The following CNIH3 variants were observed in gnomAD, a reference collection of about 807,000 sequenced individuals.
The protein encoded by CNIH3 is cornichon family AMPA receptor auxiliary protein 3.
A neutral mutation model predicts 24.1 loss-of-function variants in CNIH3; 14 were observed. That is an observed-to-expected ratio of 0.58 (90% CI 0.38 to 0.91). The LOEUF is 0.91. Ranked by LOEUF, CNIH3 falls within the 40% of genes least tolerant of loss-of-function variation. CNIH3 has a pLI of 0.00. For missense variants in CNIH3, 178 were observed against 196.8 expected, an observed-to-expected ratio of 0.90 and a Z score of 0.57; for synonymous variants, 68 against 73.8, an observed-to-expected ratio of 0.92 and a Z score of 0.40.
chr1:224,533,513 T>C (rs568592602), intron 2 of CNIH3, among the ~76,000 whole-genome samples: 78 of 152,064 alleles, frequency 5.1e-4, no homozygotes, highest in African/African-American at 1.9e-3. Flanking sequence ...ACAACAGAAA[T>C]GTATTATCTC....
intron 5 of CNIH3, among the ~76,000 whole-genome samples, chr1:224,586,931 C>G (rs772738095): frequency 1.3e-4 from 20 of 152,178 alleles, no homozygotes; most frequent in Non-Finnish European, 2.5e-4. Flanking sequence ...CTTCTAAAGA[C>G]TGGCAGGGGA....
intron 2 of CNIH3, among the ~76,000 whole-genome samples, chr1:224,522,464 G>T (rs1156289674): frequency 6.6e-6 from 1 of 152,224 alleles, no homozygotes; most frequent in Non-Finnish European, 1.5e-5. Flanking sequence ...TGTCACTGCA[G>T]AGTGAAAGCC....
intron 5 of CNIH3, 127 bp from the exon 6 acceptor site, chr1:224,739,202 A>G: frequency 1.4e-6 from 2 of 1,476,244 alleles, no homozygotes; most frequent in Non-Finnish European, 9.0e-7. Flanking sequence ...AGTGACAGGA[A>G]TGAGGGAGAA....
At chr1:224,670,774 T>C (rs1685826552) in intron 1 of CNIH3, among the ~76,000 whole-genome samples, 1 of 152,212 alleles carries the variant, frequency 6.6e-6, no homozygotes, top group Non-Finnish European at 1.5e-5. Flanking sequence ...CAAGCCCCAC[T>C]GGCCAGGGCC....
chr1:224,587,835 A>G (rs760283153), intron 5 of CNIH3, among the ~76,000 whole-genome samples: 1 of 151,304 alleles, frequency 6.6e-6, no homozygotes, highest in Non-Finnish European at 1.5e-5. Flanking sequence ...CCAGCTACTC[A>G]GGAGGCCAAG....
At chr1:224,540,154 G>A (rs1679457273), downstream of CNIH3, among the ~76,000 whole-genome samples, 1 of 152,176 alleles carries the variant, frequency 6.6e-6, no homozygotes, top group Non-Finnish European at 1.5e-5. Context: ...TCTAGTTCCT[G>A]GGGAAGTATC....
chr1:224,668,783 C>T (rs1277801803), intron 1 of CNIH3, among the ~76,000 whole-genome samples: 5 of 152,030 alleles, frequency 3.3e-5, no homozygotes, highest in East Asian at 1.9e-4. Context: ...TGCCAGAGGA[C>T]GCACAAGTTT....
intron 4 of CNIH3, among the ~76,000 whole-genome samples, chr1:224,582,259 G>A (rs190262247): frequency 1.6e-3 from 241 of 152,238 alleles, no homozygotes; most frequent in Non-Finnish European, 2.2e-3. Context: ...TAGTCCATAG[G>A]TAGCCACAGA....
chr1:224,454,367 A>G (rs759705421), intron 1 of CNIH3: 3 of 923,914 alleles, frequency 3.2e-6, no homozygotes, highest in Admixed American at 1.2e-4. Flanking sequence ...TAATTCAACT[A>G]TATTGTGTTG....
chr1:224,586,539 C>A (rs1302931496), intron 5 of CNIH3, among the ~76,000 whole-genome samples: 5 of 152,138 alleles, frequency 3.3e-5, no homozygotes, highest in African/African-American at 1.2e-4. Flanking sequence ...CAAACCATAT[C>A]AGGCCAGTAC....
chr1:224,485,426 A>G (rs1185664400), intron 1 of CNIH3, among the ~76,000 whole-genome samples: 1 of 151,992 alleles, frequency 6.6e-6, no homozygotes, highest in Non-Finnish European at 1.5e-5. Flanking sequence ...TTCCAGGTAG[A>G]CTGCTATGTT....
At chr1:224,449,818 G>A (rs1675316718) in intron 1 of CNIH3, among the ~76,000 whole-genome samples, 1 of 152,046 alleles carries the variant, frequency 6.6e-6, no homozygotes, top group African/African-American at 2.4e-5. Context: ...GTCTTTGGAG[G>A]CCCAGTCTCC....
chr1:224,467,020 T>C (rs1341918491), intron 1 of CNIH3, among the ~76,000 whole-genome samples: 1 of 152,170 alleles, frequency 6.6e-6, no homozygotes, highest in Admixed American at 6.5e-5. Flanking sequence ...TCTCCCAGTC[T>C]GTAATTTATC....
chr1:224,650,880 C>T (rs1279471835), intron 1 of CNIH3, among the ~76,000 whole-genome samples: 1 of 152,100 alleles, frequency 6.6e-6, no homozygotes, highest in East Asian at 1.9e-4. Flanking sequence ...AGGTAAAGAT[C>T]TGGATTCCTT....
Position 224,659,353 on chromosome 1 carries a change from A to T in CNIH3, c.82-21605A>T, listed in dbSNP as rs534451203. Among the ~76,000 whole-genome samples, 3 of 152,374 alleles carry T rather than the reference A, an allele frequency of 2.0e-5. No individual in the cohort carries two copies. The South Asian group carries it at 6.2e-4, about 32-fold the overall frequency. ...TGGATGTAAAAACCTTAATTCTTTT[A>T]AATTTTGGTTTTCCTAATTAATCAA... On this transcript the variant is annotated intron_variant, in intron 1 of 5. Transcript: ENST00000272133.
chr1:224,541,545 G>C (rs1679512910), downstream of CNIH3, among the ~76,000 whole-genome samples: 1 of 152,144 alleles, frequency 6.6e-6, no homozygotes. Flanking sequence ...TCCTATAGTG[G>C]TTACCCTGAG....
chr1:224,584,066 A>G (rs1354467719), intron 5 of CNIH3, among the ~76,000 whole-genome samples: 1 of 152,176 alleles, frequency 6.6e-6, no homozygotes, highest in Non-Finnish European at 1.5e-5. Context: ...AATTTCACTG[A>G]CAGCATAGTT....
intron 3 of CNIH3, among the ~76,000 whole-genome samples, chr1:224,607,579 G>A (rs773076298): frequency 6.6e-6 from 1 of 152,170 alleles, no homozygotes; most frequent in Non-Finnish European, 1.5e-5. Flanking sequence ...TAATCACAGA[G>A]TCTAGGAAGC....
intron 1 of CNIH3, among the ~76,000 whole-genome samples, chr1:224,652,587 C>T (rs1047812739): frequency 1.3e-5 from 2 of 152,082 alleles, no homozygotes; most frequent in Non-Finnish European, 2.9e-5. Context: ...AGTGGAGCGT[C>T]GGGCCCCTGA....
Sources: allele counts gnomAD v4.1 joint callset (sites outside exome capture counted in the v4.1 genomes callset), GRCh38; gene constraint gnomAD v4.1.1; transcripts MANE v1.5; gene names NCBI Gene and HGNC (gene_info 2026-07-23, HGNC 2026-07-21).